The following WDR89 variants were observed in gnomAD, a reference collection of about 807,000 sequenced individuals.
WDR89 encodes WD repeat domain 89, also known as WD repeat-containing protein 89.
WDR89 carries 17 observed loss-of-function variants against 29.1 expected under a neutral mutation model. That is an observed-to-expected ratio of 0.58 (90% CI 0.40 to 0.88). The LOEUF (loss-of-function observed/expected upper bound fraction) is 0.88, where lower values mean the gene tolerates loss of function less well. Among genes scored for constraint, WDR89 ranks in the 40% least tolerant of loss-of-function variants. WDR89 has a pLI of 0.00. For missense variants in WDR89, 396 were observed against 456.3 expected (o/e 0.87, Z 1.20); for synonymous variants, 138 against 157.8 (o/e 0.87, Z 0.94).
Position 63,597,577 on chromosome 14 carries a change from A to G in WDR89, c.*1202T>C, listed in dbSNP as rs1382951463. The G allele has an allele frequency of 6.6e-6, 1 of 152,160 alleles. No homozygotes were observed. Among genetic ancestry groups the G allele is most frequent in the East Asian group, 1.9e-4 (1 of 5,200 alleles). The allele number at this position is 152,160 out of a possible 1,614,324, so 9.4% of individuals were successfully genotyped here. ...TTACTTTTGAATTTTAAATATTTTT[A>G]ATTTTAAAAAGCCCTATTGTTTTAA... is the stretch of plus-strand genomic sequence containing the variant. On this transcript the variant is annotated 3_prime_UTR_variant, in exon 3 of 3. Transcript: ENST00000620954.
Position 63,608,295 on chromosome 14 carries a change from A to C in WDR89, c.-31-8322T>G, listed in dbSNP as rs147807462. Among the ~76,000 whole-genome samples, 761 of 152,308 alleles carry C rather than the reference A, an allele frequency of 5.0e-3. 3 individuals are homozygous for C. Among genetic ancestry groups the C allele is most frequent in the African/African-American group, 0.017 (716 of 41,584 alleles). ...CATGGTGACTTACACCTGTAATCCC[A>C]GTACTTTGGGAGACTGAGGCAGGAG... On this transcript the variant is annotated intron_variant, in intron 2 of 2. Coordinates refer to ENST00000620954, the MANE Select transcript of WDR89 (RefSeq NM_080666.4).
chr14:63,620,963 C>CA lies in WDR89; in HGVS notation c.-32+3964dup, dbSNP rs1882659978. 2.6e-5 allele frequency among the ~76,000 whole-genome samples: 4 copies of CA among 151,094 alleles called. No individual in the cohort carries two copies. In the South Asian group the frequency reaches 6.3e-4, roughly 24 times the overall value. ...AGATTTTCAATGTTCTCACCACACC[C>CA]AAAAAAATGTATGTAAGGCAGTGGG... On this transcript the variant is annotated intron_variant, in intron 2 of 2. Transcript: ENST00000620954.
intron 1 of WDR89, among the ~76,000 whole-genome samples, chr14:63,636,243 C>T (rs951161739): frequency 6.6e-6 from 1 of 152,062 alleles, no homozygotes; most frequent in Non-Finnish European, 1.5e-5. Context: ...AGGAAAACTA[C>T]AAAACACTGC....
At position 63,627,123 on chromosome 14, in the gene WDR89, A is replaced by AACACACACAC. The variant is rs756971522; in HGVS notation, c.-137-2100_-137-2091dup. Among the ~76,000 whole-genome samples, 608 of 122,806 alleles carry AACACACACAC rather than the reference A, an allele frequency of 5.0e-3. 6 individuals are homozygous for AACACACACAC. Among genetic ancestry groups the AACACACACAC allele is most frequent in the African/African-American group, 0.017 (574 of 33,768 alleles). 80.6% of individuals were successfully genotyped at this position (122,806 alleles called of 152,430 possible). The stretch of plus-strand genomic sequence containing the variant: ...GTGACAGAATAAGACTTTGTCTCTA[A>AACACACACAC]ACACACACACACACACACACACACA... On this transcript the variant is annotated intron_variant, in intron 1 of 2. Transcript: ENST00000620954.
Position 63,599,819 on chromosome 14 carries a change from A to C in WDR89, c.124T>G (p.Leu42Val), listed in dbSNP as rs369057434. Residue 42 changes from leucine to valine, a missense_variant, in exon 3 of 3, where the codon TTG (leucine) becomes GTG (valine). Transcript: ENST00000620954. Reference protein sequence around the residue: ...SKTVQAGKENLVAVLCSNGSI... With the variant: ...SKTVQAGKENVVAVLCSNGSI... ...CCATTAGAACATAAAACAGCAACCA[A>C]GTTTTCCTTTCCTGCTTGGACAGTC... 1.2e-6 allele frequency: 2 copies of C among 1,614,112 alleles called. No homozygotes were observed.
chr14:63,623,298 C>A (rs565005754), intron 2 of WDR89, among the ~76,000 whole-genome samples: 34 of 150,364 alleles, frequency 2.3e-4, no homozygotes, highest in Non-Finnish European at 4.1e-4. Flanking sequence ...AAACCAAAAC[C>A]AATCATAGAG....
chr14:63,639,468 G>T (rs1217744534), intron 1 of WDR89, among the ~76,000 whole-genome samples: 1 of 150,454 alleles, frequency 6.6e-6, no homozygotes, highest in East Asian at 1.9e-4. Context: ...AAGAAACAAA[G>T]GCAGAAAGAA....
chr14:63,628,851 C>T (rs1359312137), intron 1 of WDR89, among the ~76,000 whole-genome samples: 1 of 151,682 alleles, frequency 6.6e-6, no homozygotes, highest in East Asian at 1.9e-4. Flanking sequence ...GTGGTCCCAG[C>T]AACTTGGGAG....
chr14:63,627,123 AACAC>A (rs756971522), intron 1 of WDR89, among the ~76,000 whole-genome samples: 333 of 122,878 alleles, frequency 2.7e-3, no homozygotes, highest in African/African-American at 9.2e-3. Flanking sequence ...TTTGTCTCTA[AACAC>A]ACACACACAC....
chr14:63,613,501 GA>G (rs1028370732), intron 2 of WDR89, among the ~76,000 whole-genome samples: 1 of 147,426 alleles, frequency 6.8e-6, no homozygotes, highest in African/African-American at 2.6e-5. Flanking sequence ...TTATACTGCT[GA>G]ATTTTTTTTT....
At chr14:63,636,359 C>T (rs1045868055) in intron 1 of WDR89, among the ~76,000 whole-genome samples, 1 of 152,104 alleles carries the variant, frequency 6.6e-6, no homozygotes, top group Admixed American at 6.6e-5. Flanking sequence ...TGTGCAAATT[C>T]AATGCAATCC....
chr14:63,628,831 G>A (rs1282109859), intron 1 of WDR89, among the ~76,000 whole-genome samples: 3 of 151,966 alleles, frequency 2.0e-5, no homozygotes, highest in East Asian at 3.9e-4. Context: ...GCATGGTGAC[G>A]TGCATGCCTG....
At position 63,602,511 on chromosome 14, in the gene WDR89, G is replaced by A. The variant is rs940168134; in HGVS notation, c.-31-2538C>T. Among the ~76,000 whole-genome samples, 5 of 142,826 alleles carry A rather than the reference G, an allele frequency of 3.5e-5. No homozygotes were observed. The South Asian group carries it at 9.4e-4, about 27-fold the overall frequency. The allele number at this position is 142,826 out of a possible 152,430, so 93.7% of individuals were successfully genotyped here. On this transcript the variant is annotated intron_variant, in intron 2 of 2. Coordinates refer to ENST00000620954, the MANE Select transcript of WDR89 (RefSeq NM_080666.4). ...AAGATGGCTGGACATGGTAGCTCAC[G>A]CCTGTAATCCCAGCACTTTGGGAGG...
intron 2 of WDR89, among the ~76,000 whole-genome samples, chr14:63,603,991 G>A (rs1895199607): frequency 6.6e-6 from 1 of 152,188 alleles, no homozygotes; most frequent in South Asian, 2.1e-4. Flanking sequence ...TTCCCTGCAT[G>A]TCTGCATGAG....
chr14:63,639,357 CAAAAAAA>C (rs777712423), intron 1 of WDR89, among the ~76,000 whole-genome samples: 1 of 64,702 alleles, frequency 1.5e-5, no homozygotes, highest in Non-Finnish European at 3.3e-5. Context: ...TCATCTCTAC[CAAAAAAA>C]AAAAAAAAAA....
At chr14:63,635,923 AACAGGCTGGGT>A (rs1419631090) in intron 1 of WDR89, among the ~76,000 whole-genome samples, 1 of 152,216 alleles carries the variant, frequency 6.6e-6, no homozygotes, top group Non-Finnish European at 1.5e-5. Context: ...GAATATACCT[AACAGGCTGGGT>A]AGTGGCTCAA....
chr14:63,605,442 C>T lies in WDR89; in HGVS notation c.-31-5469G>A, dbSNP rs556636370. ...GACTATGTTACGGGTTTATGTTACT[C>T]GTTTAAAAGTCCAATACTATACTTT... On this transcript the variant is annotated intron_variant, in intron 2 of 2. Transcript: ENST00000620954. Among the ~76,000 whole-genome samples, 5 of 151,552 alleles carry T rather than the reference C, an allele frequency of 3.3e-5. No homozygotes were observed. In the South Asian group the frequency reaches 1.0e-3, roughly 32 times the overall value.
chr14:63,610,785 C>T (rs1245759380), intron 2 of WDR89, among the ~76,000 whole-genome samples: 2 of 151,006 alleles, frequency 1.3e-5, no homozygotes, highest in African/African-American at 2.4e-5. Context: ...TCACTGCAAC[C>T]TCCACCTCCT....
chr14:63,599,850 T>C lies in WDR89; in HGVS notation c.93A>G (p.Thr31=), dbSNP rs1309694234. The C allele has an allele frequency of 3.1e-6, 5 of 1,614,052 alleles. No individual in the cohort carries two copies. Among genetic ancestry groups the C allele is most frequent in the Non-Finnish European group, 4.2e-6 (5 of 1,180,038 alleles). Residue 31 remains threonine (T), a synonymous_variant, in exon 3 of 3, where the codon ACA becomes ACG. Transcript: ENST00000620954. The stretch of plus-strand genomic sequence containing the variant: ...CCTTTCCTGCTTGGACAGTCTTTGA[T>C]GTGTCTATACCAAGAAGGTAAGTGG... ...KEPTYLLGID[T]SKTVQAGKEN...
Sources: allele counts gnomAD v4.1 joint callset (sites outside exome capture counted in the v4.1 genomes callset), GRCh38; gene constraint gnomAD v4.1.1; transcripts MANE v1.5; gene names NCBI Gene and HGNC (gene_info 2026-07-23, HGNC 2026-07-21).